ANKS1B: variants seen among roughly 807,000 people sequenced by gnomAD.
The protein encoded by ANKS1B is ankyrin repeat and sterile alpha motif domain containing 1B.
ANKS1B carries 36 observed loss-of-function variants against 148.3 expected under a neutral mutation model. The ratio of observed to expected loss-of-function variants is 0.24; its 90% CI spans 0.19 to 0.32. The LOEUF (loss-of-function observed/expected upper bound fraction) is 0.32. Ranked by LOEUF, ANKS1B falls within the 10% of genes least tolerant of loss-of-function variation. ANKS1B has a pLI of 1.00. For synonymous variants in ANKS1B, 542 were observed against 560.8 expected (o/e 0.97, Z 0.47); for missense variants, 1,157 against 1,542.6 (o/e 0.75, Z 4.19).
chr12:99,108,646 A>G (rs1452887989), intron 15 of ANKS1B, among the ~76,000 whole-genome samples: 2 of 152,224 alleles, frequency 1.3e-5, no homozygotes, highest in Admixed American at 6.5e-5. Context: ...TTATGAACAC[A>G]GGATTTGAGC....
chr12:99,662,694 A>G (rs2098483551), intron 8 of ANKS1B, among the ~76,000 whole-genome samples: 1 of 152,180 alleles, frequency 6.6e-6, no homozygotes, highest in African/African-American at 2.4e-5. Context: ...TTCATGAAAG[A>G]ATACATTTAT....
chr12:99,203,283 A>G (rs79115321), intron 14 of ANKS1B, among the ~76,000 whole-genome samples: 19,184 of 152,038 alleles, frequency 0.13, 1,463 homozygotes, highest in South Asian at 0.25. Context: ...ACAACACTTC[A>G]TTTCTAGAAG....
chr12:99,335,990 A>C (rs1047440777), intron 12 of ANKS1B, among the ~76,000 whole-genome samples: 4 of 152,154 alleles, frequency 2.6e-5, no homozygotes, highest in African/African-American at 9.6e-5. Flanking sequence ...ACAGTGTACA[A>C]GAGTTCCGTT....
intron 9 of ANKS1B, among the ~76,000 whole-genome samples, chr12:99,637,325 A>G (rs1247799026): frequency 6.6e-6 from 1 of 152,074 alleles, no homozygotes; most frequent in Admixed American, 6.5e-5. Context: ...AATAATAATA[A>G]TTGATACCTC....
In ANKS1B at chr12:98,940,765, T is replaced by A. The variant is rs181004050; in HGVS notation, c.2779-108629A>T. ...AATGAGATACACAAGAACATATGTATAAGAATGTTCTTTGGAAATAACCTA... is the reference window on the plus strand; with the variant it reads ...AATGAGATACACAAGAACATATGTAAAAGAATGTTCTTTGGAAATAACCTA... On this transcript the variant is annotated intron_variant, in intron 17 of 26. Coordinates refer to ENST00000683438, the MANE Select transcript of ANKS1B (RefSeq NM_001352186.2). Among the ~76,000 whole-genome samples, 18 of 152,308 alleles carry A rather than the reference T, an allele frequency of 1.2e-4. No homozygotes were observed. In the East Asian group the frequency reaches 3.5e-3, roughly 29 times the overall value.
chr12:99,115,025 G>T (rs2061062838), intron 15 of ANKS1B, among the ~76,000 whole-genome samples: 1 of 152,184 alleles, frequency 6.6e-6, no homozygotes, highest in African/African-American at 2.4e-5. Flanking sequence ...CACACGATGG[G>T]ATCATAAATT....
intron 17 of ANKS1B, among the ~76,000 whole-genome samples, chr12:98,985,767 T>C (rs1227571365): frequency 1.3e-5 from 2 of 152,156 alleles, no homozygotes; most frequent in African/African-American, 4.8e-5. Flanking sequence ...TCTTTTAAAA[T>C]CTTTAAAAAT....
intron 17 of ANKS1B, among the ~76,000 whole-genome samples, chr12:98,904,521 C>G (rs909550123): frequency 6.6e-6 from 1 of 152,200 alleles, no homozygotes; most frequent in Non-Finnish European, 1.5e-5. Context: ...TTAGAAAGAC[C>G]TGCAATTTTT....
chr12:99,497,404 G>T (rs1390600370), intron 10 of ANKS1B, among the ~76,000 whole-genome samples: 2 of 152,098 alleles, frequency 1.3e-5, no homozygotes, highest in African/African-American at 4.8e-5. Context: ...GTAACTGGGT[G>T]GCTTAAACAA....
Position 98,905,845 on chromosome 12 carries a change from G to T in ANKS1B, c.2779-73709C>A, listed in dbSNP as rs140742655. 3.0e-3 allele frequency among the ~76,000 whole-genome samples: 459 copies of T among 151,988 alleles called. 4 individuals carry two copies. The highest frequency in any genetic ancestry group is 0.011 in the African/African-American group (437 of 41,458). On this transcript the variant is annotated intron_variant, in intron 17 of 26. Coordinates refer to ENST00000683438, the MANE Select transcript of ANKS1B (RefSeq NM_001352186.2). ...ATTTTTCAGCCACAAATACCAAGTG[G>T]ATAAAAAAAAATAATGAAAAGAATA...
At position 99,250,601 on chromosome 12, in the gene ANKS1B, G is replaced by A. The variant is rs76883613; in HGVS notation, c.1757-3737C>T. On this transcript the variant is annotated intron_variant, in intron 12 of 26. Transcript: ENST00000683438. ...CCGATGCATCAGCAAGCACAGCTAA[G>A]AGGAGCTGAGGTTTTCCCAGGCCAG... Among the ~76,000 whole-genome samples, 1,019 of 152,310 alleles carry A rather than the reference G, an allele frequency of 6.7e-3. 7 individuals carry two copies. Among genetic ancestry groups the A allele is most frequent in the Non-Finnish European group, 0.011 (765 of 68,032 alleles).
At chr12:99,275,538 C>G (rs183467852) in intron 12 of ANKS1B, among the ~76,000 whole-genome samples, 1 of 152,296 alleles carries the variant, frequency 6.6e-6, no homozygotes, top group African/African-American at 2.4e-5. Flanking sequence ...CTTTTTATGG[C>G]TTAATAGTAC....
chr12:99,984,426 T>C lies in ANKS1B; in HGVS notation c.-189A>G. 1.9e-6 allele frequency: 1 copy of C among 530,682 alleles called. No individual in the cohort carries two copies. The highest frequency in any genetic ancestry group is 3.1e-5 in the South Asian group (1 of 32,490). The allele number at this position is 530,682 out of a possible 1,614,324, so 32.9% of individuals were successfully genotyped here. On this transcript the variant is annotated 5_prime_UTR_variant, in exon 1 of 27. Coordinates refer to ENST00000683438, the MANE Select transcript of ANKS1B (RefSeq NM_001352186.2). Reference sequence around the variant, plus strand: ...CTCCTCCTCTTCGGGGCGCAGCTTTTACAATGGGGATCAGACCATGTCTTG... The same window carrying C: ...CTCCTCCTCTTCGGGGCGCAGCTTTCACAATGGGGATCAGACCATGTCTTG...
intron 12 of ANKS1B, among the ~76,000 whole-genome samples, chr12:99,382,581 C>A (rs1286113763): frequency 1.3e-5 from 2 of 151,702 alleles, no homozygotes; most frequent in African/African-American, 4.8e-5. Context: ...GCCTGTAGTC[C>A]CAGCTGCTCC....
At chr12:99,549,500 CCTT>C (rs1321517556) in intron 9 of ANKS1B, among the ~76,000 whole-genome samples, 2 of 152,108 alleles carry the variant, frequency 1.3e-5, no homozygotes, top group Non-Finnish European at 2.9e-5. Context: ...TCTCTTTCTT[CCTT>C]CTTCTCTCCC....
chr12:99,524,570 G>C (rs920313077), intron 9 of ANKS1B, among the ~76,000 whole-genome samples: 1 of 152,184 alleles, frequency 6.6e-6, no homozygotes, highest in African/African-American at 2.4e-5. Context: ...TTTGGAGCTT[G>C]AAGTTAGCCA....
intron 16 of ANKS1B, among the ~76,000 whole-genome samples, chr12:99,078,488 A>G (rs1275594290): frequency 6.6e-6 from 1 of 152,160 alleles, no homozygotes; most frequent in African/African-American, 2.4e-5. Context: ...ATTATCTTAT[A>G]TCATGCTACA....
At chr12:99,653,517 T>C (rs2098435225) in intron 9 of ANKS1B, among the ~76,000 whole-genome samples, 1 of 152,168 alleles carries the variant, frequency 6.6e-6, no homozygotes, top group South Asian at 2.1e-4. Context: ...TAAAAAACTA[T>C]ATGTAAAAAC....
intron 9 of ANKS1B, among the ~76,000 whole-genome samples, chr12:99,553,189 C>A (rs543194563): frequency 6.6e-6 from 1 of 152,078 alleles, no homozygotes; most frequent in South Asian, 2.1e-4. Context: ...ACTAGCTAAA[C>A]GAAGTATACT....
Sources: gnomAD v4.1 joint callset for allele counts (sites outside exome capture counted in the v4.1 genomes callset) on GRCh38, gnomAD v4.1.1 for gene constraint, MANE v1.5 for transcripts, NCBI Gene and HGNC (gene_info 2026-07-23, HGNC 2026-07-21) for gene names.